CASZ1: variants seen among roughly 807,000 people sequenced by gnomAD.
CASZ1 encodes the protein zinc finger protein castor homolog 1.
Under a neutral mutation model 135.2 loss-of-function variants are expected in CASZ1, and 28 were observed. The ratio of observed to expected loss-of-function variants is 0.21; its 90% CI spans 0.15 to 0.28. The LOEUF (loss-of-function observed/expected upper bound fraction) is 0.28. Among genes scored for constraint, CASZ1 ranks in the 10% least tolerant of loss-of-function variants. The pLI, the probability that CASZ1 is intolerant of heterozygous loss-of-function variation, is 1.00. For missense variants in CASZ1, 2,161 were observed against 2,453.3 expected, an observed-to-expected ratio of 0.88 and a Z score of 2.52; for synonymous variants, 1,068 against 1,073.4, an observed-to-expected ratio of 0.99 and a Z score of 0.10.
rs1640236736 is a variant in CASZ1 at position 10,755,560 on chromosome 1, C to CT, written c.-77+5140_-77+5141insA. Among the ~76,000 whole-genome samples, 1 of 152,058 alleles carries CT rather than the reference C, an allele frequency of 6.6e-6. No individual in the cohort carries two copies. The highest frequency in any genetic ancestry group is 1.5e-5 in the Non-Finnish European group (1 of 67,990). On this transcript the variant is annotated intron_variant, in intron 2 of 20. Transcript: ENST00000377022. This position sits in a 1 kb window ranked among gnomAD's most constrained non-coding sequence, Gnocchi z 4.3. The stretch of plus-strand genomic sequence containing the variant: ...CGAGTAGCTCCAGACAGGGCAGGTG[C>CT]CCCCAGCCCTTCCCAATCCCTCTTC...
chr1:10,707,566 C>T lies in CASZ1; in HGVS notation c.-76-2022G>A, dbSNP rs373498767. On this transcript the variant is annotated intron_variant, in intron 2 of 20. Transcript: ENST00000377022. The surrounding 1 kb of genome is among the most constrained non-coding windows in gnomAD (Gnocchi z 5.0). ...GGGAGGGGAGGGCCAGAGATGTGTA[C>T]GTACAGGGACCAGGACATGCACGGG... is the stretch of plus-strand genomic sequence containing the variant. Among the ~76,000 whole-genome samples, 9 of 152,066 alleles carry T rather than the reference C, an allele frequency of 5.9e-5. No homozygotes were observed. Among genetic ancestry groups the T allele is most frequent in the Admixed American group, 4.6e-4 (7 of 15,280 alleles).
Position 10,653,543 on chromosome 1 carries a change from C to A in CASZ1, c.2514G>T (p.Thr838=), listed in dbSNP as rs774272960. The A allele has an allele frequency of 1.9e-6, 3 of 1,595,202 alleles. No individual in the cohort carries two copies. Among genetic ancestry groups the A allele is most frequent in the Non-Finnish European group, 2.6e-6 (3 of 1,169,256 alleles). ...SAASATPDTP[T]LVASGAGDSA... ...AGTCTCCAGCTCCCGAGGCGACCAG[C>A]GTGGGTGTGTCAGGGGTGGCTGAGG... Residue 838 remains threonine (T), a synonymous_variant, in exon 11 of 21, where the codon ACG becomes ACT. Transcript: ENST00000377022.
At chr1:10,754,145 G>A (rs1003937764) in intron 2 of CASZ1, among the ~76,000 whole-genome samples, 1 of 152,010 alleles carries the variant, frequency 6.6e-6, no homozygotes, top group Non-Finnish European at 1.5e-5. Flanking sequence ...TGTCACCATC[G>A]CAGTGACCCC....
intron 2 of CASZ1, among the ~76,000 whole-genome samples, chr1:10,723,452 C>T (rs1159735077): frequency 6.6e-6 from 1 of 152,222 alleles, no homozygotes; most frequent in Non-Finnish European, 1.5e-5. Flanking sequence ...AACAGAGGAG[C>T]CACTGGCTGT....
At chr1:10,716,949 G>A (rs574071629) in intron 2 of CASZ1, among the ~76,000 whole-genome samples, 21 of 152,186 alleles carry the variant, frequency 1.4e-4, no homozygotes, top group African/African-American at 2.2e-4. Flanking sequence ...TTTTACGTTC[G>A]GTCAAACTTC....
At chr1:10,723,852 A>C (rs948895753) in intron 2 of CASZ1, among the ~76,000 whole-genome samples, 3 of 151,744 alleles carry the variant, frequency 2.0e-5, no homozygotes, top group African/African-American at 4.8e-5. Flanking sequence ...GCTTCAGTCC[A>C]CCCGTCTCAG....
intron 4 of CASZ1, among the ~76,000 whole-genome samples, chr1:10,671,330 G>A (rs146781893): frequency 0.01 from 1,584 of 152,270 alleles, 14 homozygotes; most frequent in Middle Eastern, 0.027. Context: ...CTGTGCGCGC[G>A]CACACACGCT....
In CASZ1 at chr1:10,717,944, C is replaced by A. The variant is rs943966407; in HGVS notation, c.-76-12400G>T. On this transcript the variant is annotated intron_variant, in intron 2 of 20. Coordinates refer to ENST00000377022, the MANE Select transcript of CASZ1 (RefSeq NM_001079843.3). The surrounding 1 kb of genome is among the most constrained non-coding windows in gnomAD (Gnocchi z 4.6). ...CTGCGAGCACGCCTGGTCGCCTCAG[C>A]GACCAAAGCGGGTGCAGGGACGGGC... Among the ~76,000 whole-genome samples the A allele has an allele frequency of 6.6e-6, 1 of 152,250 alleles. No homozygotes were observed. The highest frequency in any genetic ancestry group is 6.5e-5 in the Admixed American group (1 of 15,292).
In CASZ1 at chr1:10,665,556, C is replaced by A; in HGVS notation, c.32G>T (p.Cys11Phe). The stretch of plus-strand genomic sequence containing the variant: ...GGGCTTGCCTGCAGGCGGGTCCGTG[C>A]ACCGGGTGCCCTCAGCTGCAGGGAT... MDLGTAEGTR[C>F]TDPPAGKPAM... Residue 11 changes from cysteine to phenylalanine, a missense_variant, in exon 5 of 21, where the codon TGC (cysteine) becomes TTC (phenylalanine). Cys to Phe is a radical substitution (Grantham distance 205). Transcript: ENST00000377022. 6.4e-7 allele frequency: 1 copy of A among 1,563,976 alleles called. No homozygotes were observed. The highest frequency in any genetic ancestry group is 8.6e-7 in the Non-Finnish European group (1 of 1,160,812).
intron 1 of CASZ1, among the ~76,000 whole-genome samples, chr1:10,780,674 T>G (rs1192337375): frequency 6.6e-6 from 1 of 152,208 alleles, no homozygotes; most frequent in Admixed American, 6.5e-5. Context: ...TTTTTTCCCT[T>G]TGATCTATTT....
intron 3 of CASZ1, among the ~76,000 whole-genome samples, chr1:10,702,051 T>C (rs763080017): frequency 1.3e-5 from 2 of 152,166 alleles, no homozygotes; most frequent in African/African-American, 2.4e-5. Flanking sequence ...AAACATTAGA[T>C]GGGAAATAGA....
At position 10,638,865 on chromosome 1, in the gene CASZ1, AG is replaced by A. The variant is rs1642084960; in HGVS notation, c.*76del. The A allele has an allele frequency of 2.1e-6, 2 of 959,294 alleles. No individual in the cohort carries two copies. Among genetic ancestry groups the A allele is most frequent in the Non-Finnish European group, 2.5e-6 (2 of 808,454 alleles). The allele number at this position is 959,294 out of a possible 1,614,324, so 59.4% of individuals were successfully genotyped here. A position where few individuals can be genotyped will look rare whatever the true frequency, so the allele number is the denominator to read the frequency against. ...ACCGGCGGGGCGCGGGGCTCTGCCC[AG>A]GGGCCGCTTCGCGCGGGGCGGCGCC... is the stretch of plus-strand genomic sequence containing the variant. On this transcript the variant is annotated 3_prime_UTR_variant, in exon 21 of 21. Transcript: ENST00000377022. This position sits in a 1 kb window ranked among gnomAD's most constrained non-coding sequence, Gnocchi z 5.9.
intron 4 of CASZ1, among the ~76,000 whole-genome samples, chr1:10,686,337 C>A (rs1420949113): frequency 6.6e-6 from 1 of 152,242 alleles, no homozygotes; most frequent in African/African-American, 2.4e-5. Flanking sequence ...CAGAAATCAT[C>A]CCCCGCCCCT....
At chr1:10,641,384 G>T (rs944308799) in intron 20 of CASZ1, among the ~76,000 whole-genome samples, 1 of 152,210 alleles carries the variant, frequency 6.6e-6, no homozygotes, top group Admixed American at 6.5e-5. Context: ...CAGGCAGCAC[G>T]TGAGGCAAGA....
chr1:10,673,865 G>C (rs909781916), intron 4 of CASZ1, among the ~76,000 whole-genome samples: 2 of 152,150 alleles, frequency 1.3e-5, no homozygotes, highest in South Asian at 2.1e-4. Context: ...TCCATGCCTC[G>C]GGCTGAGGCC....
rs545744774 is a variant in CASZ1 at position 10,639,827 on chromosome 1, G to C, written c.4395C>G (p.Gly1465=). The change falls in exon 21 of 21, where the codon GGC becomes GGG. Residue 1465 remains glycine, a synonymous_variant. Transcript: ENST00000377022. The surrounding 1 kb of genome is among the most constrained non-coding windows in gnomAD (Gnocchi z 4.0). ...THYHCTRENC[G]YKFCGRTHMY... is the part of the protein sequence containing the mutation. The stretch of plus-strand genomic sequence containing the variant: ...TGTGCGTGCGCCCGCAGAACTTGTA[G>C]CCGCAGTTCTCGCGCGTGCAGTGGT... The C allele has an allele frequency of 1.1e-5, 18 of 1,610,838 alleles. No individual in the cohort carries two copies. The Admixed American group carries it at 1.7e-4, about 15-fold the overall frequency.
At position 10,665,108 on chromosome 1, in the gene CASZ1, G is replaced by C; in HGVS notation, c.480C>G (p.Ser160Arg). 1 of 1,508,114 alleles carries C rather than the reference G, an allele frequency of 6.6e-7. No individual in the cohort carries two copies. Among genetic ancestry groups the C allele is most frequent in the Non-Finnish European group, 8.9e-7 (1 of 1,128,054 alleles). 93.4% of individuals were successfully genotyped at this position (1,508,114 alleles called of 1,614,324 possible). The change falls in exon 5 of 21, where the codon AGC becomes AGG. Residue 160 changes from serine to arginine, a missense_variant. By Grantham distance (110) the Ser-to-Arg change is moderately radical (BLOSUM62 -1). Around this residue, in one of 7 missense-constraint regions of CASZ1, gnomAD observed 590 missense variants for 609.8 expected, o/e 0.97. Coordinates refer to ENST00000377022, the MANE Select transcript of CASZ1 (RefSeq NM_001079843.3). ...CTGAAGCCTGCCTGGTGCTGGGGCC[G>C]CTGTCCTCCTTGGAGGCTGCCCCGT... ...DSDGAASKED[S>R]GPSTRQASGE...
At position 10,756,552 on chromosome 1, in the gene CASZ1, C is replaced by T. The variant is rs924092174; in HGVS notation, c.-77+4149G>A. ...GCGGCATGGGGCCTGTCCAGGGGCG[C>T]TGGGGATCACTGCTATCACAGCATC... On this transcript the variant is annotated intron_variant, in intron 2 of 20. Coordinates refer to ENST00000377022, the MANE Select transcript of CASZ1 (RefSeq NM_001079843.3). The surrounding 1 kb of genome is among the most constrained non-coding windows in gnomAD (Gnocchi z 5.9). 1.3e-5 allele frequency among the ~76,000 whole-genome samples: 2 copies of T among 152,226 alleles called. No homozygotes were observed. Among genetic ancestry groups the T allele is most frequent in the Non-Finnish European group, 2.9e-5 (2 of 68,036 alleles).
At chr1:10,672,108 G>A (rs1643421447) in intron 4 of CASZ1, among the ~76,000 whole-genome samples, 1 of 152,156 alleles carries the variant, frequency 6.6e-6, no homozygotes. Flanking sequence ...TGCCCGAGAG[G>A]CCTCCCCGGC....
Sources: allele counts gnomAD v4.1 joint callset (sites outside exome capture counted in the v4.1 genomes callset), GRCh38; gene constraint gnomAD v4.1.1; regional missense constraint gnomAD v4.1.1; non-coding constraint Gnocchi (gnomAD v3.1); transcripts MANE v1.5; gene names NCBI Gene and HGNC (gene_info 2026-07-23, HGNC 2026-07-21).